The following XPOT variants were observed in gnomAD, a reference collection of about 807,000 sequenced individuals.
The protein encoded by XPOT is exportin for tRNA, also known as exportin-T.
Under a neutral mutation model 128.2 loss-of-function variants are expected in XPOT, and 34 were observed. The ratio of observed to expected loss-of-function variants is 0.27; its 90% CI spans 0.20 to 0.35. XPOT has a LOEUF of 0.35. Ranked by LOEUF, XPOT falls within the 10% of genes least tolerant of loss-of-function variation. The pLI is 1.00. For synonymous variants in XPOT, 348 were observed against 394.3 expected (o/e 0.88, Z 1.39); for missense variants, 838 against 1,125.3 (o/e 0.74, Z 3.65).
intron 3 of XPOT, 112 bp downstream of exon 3, chr12:64,415,101 T>C: frequency 1.4e-6 from 1 of 717,400 alleles, no homozygotes; most frequent in South Asian, 1.8e-5. Context: ...ATGACTTTTT[T>C]TTTTTTTTGC....
chr12:64,406,317 G>A (rs1452192581), intron 1 of XPOT, among the ~76,000 whole-genome samples: 1 of 150,526 alleles, frequency 6.6e-6, no homozygotes, highest in South Asian at 2.1e-4. Flanking sequence ...CTCGTGATCC[G>A]CCCACCTCGG....
intron 18 of XPOT, among the ~76,000 whole-genome samples, chr12:64,432,526 A>T (rs2040248698): frequency 6.6e-6 from 1 of 152,166 alleles, no homozygotes; most frequent in Non-Finnish European, 1.5e-5. Flanking sequence ...GATTACAGGC[A>T]TAAACCTGGC....
At chr12:64,434,174 T>C (rs1378313101) in intron 19 of XPOT, among the ~76,000 whole-genome samples, 2 of 152,116 alleles carry the variant, frequency 1.3e-5, no homozygotes, top group Non-Finnish European at 2.9e-5. Context: ...AATGCTGGGC[T>C]TATTTTTTGT....
chr12:64,439,385 C>T, intron 23 of XPOT, 70 bp downstream of exon 23: 9 of 1,375,414 alleles, frequency 6.5e-6, no homozygotes, highest in South Asian at 1.2e-5. Context: ...GTGACATTGT[C>T]GCTAGCAGAA....
Position 64,451,005 on chromosome 12 carries a change from A to G in XPOT, c.*2874A>G, listed in dbSNP as rs2040408521. 1 of 152,242 alleles carries G rather than the reference A, an allele frequency of 6.6e-6. No individual in the cohort carries two copies. The highest frequency in any genetic ancestry group is 1.5e-5 in the Non-Finnish European group (1 of 68,048). 9.4% of individuals were successfully genotyped at this position (152,242 alleles called of 1,614,324 possible). On this transcript the variant is annotated 3_prime_UTR_variant, in exon 25 of 25. Coordinates refer to ENST00000332707, the MANE Select transcript of XPOT (RefSeq NM_007235.6). Reference sequence around the variant, plus strand: ...ACTTTAACAGGTCTTCGCTCTTGTCATTAGATATCAAAGAACTGAAATTAG... The same window carrying G: ...ACTTTAACAGGTCTTCGCTCTTGTCGTTAGATATCAAAGAACTGAAATTAG...
rs557737010 is a variant in XPOT at position 64,445,070 on chromosome 12, C to A, written c.2806-5C>A. On this transcript the variant is annotated splice_region_variant and splice_polypyrimidine_tract_variant and intron_variant, in intron 23 of 24. Transcript: ENST00000332707. ...CTTTTTCTCCCTCTTTTCCCCACCC[C>A]CCAGGAGTTTTGTCAAGCGCTTCAG... 8.1e-6 allele frequency: 13 copies of A among 1,608,718 alleles called. No individual in the cohort carries two copies. In the South Asian group the frequency reaches 8.9e-5, roughly 11 times the overall value.
At chr12:64,439,703 T>C (rs2040309894) in intron 23 of XPOT, among the ~76,000 whole-genome samples, 1 of 152,230 alleles carries the variant, frequency 6.6e-6, no homozygotes, top group Non-Finnish European at 1.5e-5. Context: ...TTGTACCAGG[T>C]AGTTCATTGT....
At chr12:64,421,125 C>T (rs201320423) in intron 8 of XPOT, 110 bp from the exon 9 acceptor site, 1 of 847,104 alleles carries the variant, frequency 1.2e-6, no homozygotes, top group African/African-American at 1.7e-5. Context: ...TATATGACGT[C>T]ATTTTAAAAT....
chr12:64,406,557 C>T (rs563005415), intron 1 of XPOT, among the ~76,000 whole-genome samples: 3 of 152,034 alleles, frequency 2.0e-5, no homozygotes, highest in Admixed American at 1.3e-4. Context: ...TTAGTAGAGA[C>T]GGGGTTTCTC....
At chr12:64,416,087 C>G (rs2136015577) in intron 3 of XPOT, among the ~76,000 whole-genome samples, 1 of 152,330 alleles carries the variant, frequency 6.6e-6, no homozygotes, top group South Asian at 2.1e-4. Context: ...CTAACTGCAA[C>G]TCTGCCACTC....
rs2040393778 is a variant in XPOT at position 64,449,556 on chromosome 12, T to G, written c.*1425T>G. ...TCATGAATGGGTTTCATGAATGGGC[T>G]TCAGTGGCTTATAAACTCTGTAAAA... On this transcript the variant is annotated 3_prime_UTR_variant, in exon 25 of 25. Transcript: ENST00000332707. The G allele has an allele frequency of 6.6e-6, 1 of 152,264 alleles. No individual in the cohort carries two copies. 9.4% of individuals were successfully genotyped at this position (152,264 alleles called of 1,614,324 possible).
intron 5 of XPOT, among the ~76,000 whole-genome samples, chr12:64,418,591 T>C (rs901742232): frequency 1.3e-5 from 2 of 152,194 alleles, no homozygotes; most frequent in Non-Finnish European, 1.5e-5. Flanking sequence ...ATAGGAACTA[T>C]TAAAACTCTG....
At chr12:64,427,078 A>AAGTCAT (rs141777493) in intron 15 of XPOT, among the ~76,000 whole-genome samples, 18,940 of 151,090 alleles carry the variant, frequency 0.13, 1,335 homozygotes, top group Middle Eastern at 0.22. Flanking sequence ...TGTTCAAGTC[A>AAGTCAT]AGTCATGCTT....
At chr12:64,415,031 GGACAT>G in intron 3 of XPOT, 42 bp downstream of exon 3, 1 of 1,136,222 alleles carries the variant, frequency 8.8e-7, no homozygotes, top group Non-Finnish European at 1.3e-6. Flanking sequence ...AAATTTCTGT[GGACAT>G]GACAGGACTG....
intron 8 of XPOT, among the ~76,000 whole-genome samples, chr12:64,420,966 A>G (rs1031916351): frequency 5.9e-5 from 9 of 151,958 alleles, no homozygotes; most frequent in African/African-American, 1.9e-4. Flanking sequence ...ACACCCGGCA[A>G]ATTTTTTACC....
At chr12:64,446,193 G>A (rs1347497971) in intron 24 of XPOT, among the ~76,000 whole-genome samples, 1 of 152,176 alleles carries the variant, frequency 6.6e-6, no homozygotes, top group Non-Finnish European at 1.5e-5. Context: ...CTCACTATCT[G>A]TTAGAGGTGT....
At chr12:64,409,220 A>G (rs1377158651) in intron 1 of XPOT, among the ~76,000 whole-genome samples, 1 of 152,180 alleles carries the variant, frequency 6.6e-6, no homozygotes, top group East Asian at 1.9e-4. Context: ...TGATATTTGT[A>G]TCTGGAAGTA....
At chr12:64,416,027 A>G (rs1179540826) in intron 3 of XPOT, among the ~76,000 whole-genome samples, 3 of 152,166 alleles carry the variant, frequency 2.0e-5, no homozygotes, top group Non-Finnish European at 4.4e-5. Context: ...TACTCACTTC[A>G]TTGGCAGATT....
chr12:64,416,891 C>A, intron 4 of XPOT, 137 bp downstream of exon 4: 2 of 796,984 alleles, frequency 2.5e-6, no homozygotes, highest in Non-Finnish European at 4.0e-6. Flanking sequence ...GTTATAGATA[C>A]GTTTTGATGT....
Sources: gnomAD v4.1 joint callset for allele counts (sites outside exome capture counted in the v4.1 genomes callset) on GRCh38, gnomAD v4.1.1 for gene constraint, MANE v1.5 for transcripts, NCBI Gene and HGNC (gene_info 2026-07-23, HGNC 2026-07-21) for gene names.